BCO2: variants seen among roughly 807,000 people sequenced by gnomAD.
The protein encoded by BCO2 is beta-carotene oxygenase 2.
A neutral mutation model predicts 65.8 loss-of-function variants in BCO2; 56 were observed. The observed-to-expected ratio is 0.85, with a 90% confidence interval of 0.69 to 1.06. The LOEUF is 1.06. Among genes scored for constraint, BCO2 ranks in the 50% least tolerant of loss-of-function variants. The probability of loss-of-function intolerance (pLI) is 0.00; values close to 1 mark genes in which losing one functional copy is unlikely to be tolerated. For missense variants in BCO2, 675 were observed against 698.5 expected (o/e 0.97, Z 0.38); for synonymous variants, 233 against 242.3 (o/e 0.96, Z 0.36).
chr11:112,178,965 A>C (rs1248660838), intron 1 of BCO2, among the ~76,000 whole-genome samples: 1 of 152,234 alleles, frequency 6.6e-6, no homozygotes, highest in African/African-American at 2.4e-5. Flanking sequence ...GTATTGTTCA[A>C]CTATGAGAAA....
chr11:112,188,883 T>C (rs1867286881), intron 2 of BCO2, among the ~76,000 whole-genome samples: 2 of 152,258 alleles, frequency 1.3e-5, no homozygotes, highest in South Asian at 4.1e-4. Flanking sequence ...GATGTTGACT[T>C]GAATAAATGA....
At chr11:112,183,289 A>C (rs993563171) in intron 2 of BCO2, 18 of 659,890 alleles carry the variant, frequency 2.7e-5, no homozygotes, top group Non-Finnish European at 4.1e-5. Flanking sequence ...AAATAACACT[A>C]TAAGGAAATT....
At chr11:112,177,430 G>C (rs1866915149) in intron 1 of BCO2, among the ~76,000 whole-genome samples, 1 of 152,306 alleles carries the variant, frequency 6.6e-6, no homozygotes, top group Non-Finnish European at 1.5e-5. Flanking sequence ...ACCAGACTCT[G>C]AGAAACAATG....
chr11:112,216,805 T>C (rs1000600787), intron 11 of BCO2, among the ~76,000 whole-genome samples: 8 of 152,242 alleles, frequency 5.3e-5, no homozygotes, highest in African/African-American at 1.9e-4. Flanking sequence ...AATAACACTA[T>C]GCACTATCTG....
intron 2 of BCO2, among the ~76,000 whole-genome samples, chr11:112,184,602 A>G (rs561363560): frequency 7.4e-4 from 112 of 152,288 alleles, no homozygotes; most frequent in Middle Eastern, 3.4e-3. Flanking sequence ...ACCAAAAAAT[A>G]TATATAAAGT....
At chr11:112,194,362 C>T (rs1867495724) in intron 4 of BCO2, 2 of 414,126 alleles carry the variant, frequency 4.8e-6, no homozygotes, top group African/African-American at 2.1e-5. Context: ...AAATTTTAGA[C>T]TAGATTTTTA....
intron 1 of BCO2, among the ~76,000 whole-genome samples, chr11:112,177,328 C>T (rs7121554): frequency 0.17 from 25,433 of 152,098 alleles, 2,874 homozygotes; most frequent in Non-Finnish European, 0.25. Context: ...TTGTCCTTCC[C>T]CAGAGATTCT....
Position 112,217,845 on chromosome 11 carries a change from G to C in BCO2, c.1711G>C (p.Gly571Arg). 1.2e-6 allele frequency: 2 copies of C among 1,613,846 alleles called. No individual in the cohort carries two copies. Among genetic ancestry groups the C allele is most frequent in the Middle Eastern group, 1.6e-4 (1 of 6,062 alleles). ...AGAGGTACCTGTGCAGATGCCTTAT[G>C]GGTTCCATGGTACCTTCATACCCAT... The part of the protein sequence containing the change: ...RAEVPVQMPY[G>R]FHGTFIPI The change falls in exon 12 of 12, where the codon GGG (glycine) becomes CGG (arginine). Residue 571 changes from glycine to arginine, a missense_variant. Gly to Arg is a moderately radical substitution (Grantham distance 125, BLOSUM62 -2). Coordinates refer to ENST00000357685, the MANE Select transcript of BCO2 (RefSeq NM_031938.7).
intron 8 of BCO2, among the ~76,000 whole-genome samples, chr11:112,211,319 T>C (rs868074271): frequency 1.4e-4 from 18 of 128,440 alleles, no homozygotes; most frequent in African/African-American, 4.5e-4. Context: ...TTCGATTGTA[T>C]ACACACACAC....
intron 3 of BCO2, 31 bp downstream of exon 3, chr11:112,193,728 A>C: frequency 6.3e-7 from 1 of 1,584,458 alleles, no homozygotes; most frequent in Non-Finnish European, 8.6e-7. Context: ...AACTATTACG[A>C]TATATAACCA....
At chr11:112,194,093 C>G (rs1019440279) in intron 4 of BCO2, 99 bp downstream of exon 4, 2 of 709,444 alleles carry the variant, frequency 2.8e-6, no homozygotes, top group East Asian at 2.7e-5. Flanking sequence ...GAAATTGAAG[C>G]CTTAACTACA....
intron 7 of BCO2, 107 bp downstream of exon 7, chr11:112,200,880 C>CTT: frequency 8.1e-7 from 1 of 1,232,926 alleles, no homozygotes; most frequent in African/African-American, 1.5e-5. Flanking sequence ...GCATAAGACA[C>CTT]TTTTAATCAA....
intron 8 of BCO2, among the ~76,000 whole-genome samples, chr11:112,212,353 A>G (rs987553290): frequency 6.6e-6 from 1 of 152,248 alleles, no homozygotes; most frequent in African/African-American, 2.4e-5. Context: ...GACTCAAAAT[A>G]GGTCAGGCGA....
At chr11:112,196,422 G>A (rs1035637444) in intron 5 of BCO2, among the ~76,000 whole-genome samples, 10 of 152,060 alleles carry the variant, frequency 6.6e-5, no homozygotes, top group African/African-American at 2.4e-4. Flanking sequence ...GCTACCTTTA[G>A]GAAGTAAAAA....
intron 9 of BCO2, 114 bp downstream of exon 9, chr11:112,213,975 G>A (rs971779788): frequency 2.2e-6 from 2 of 899,074 alleles, no homozygotes; most frequent in African/African-American, 1.6e-5. Context: ...ATTCATCCGA[G>A]CAGGTTAAGG....
intron 2 of BCO2, chr11:112,181,833 G>A: frequency 2.1e-6 from 2 of 948,250 alleles, no homozygotes; most frequent in Non-Finnish European, 3.5e-6. Flanking sequence ...TCTTGCACAT[G>A]CAAATCTTTG....
At chr11:112,217,362 C>CTCTTT (rs938073956) in intron 11 of BCO2, among the ~76,000 whole-genome samples, 1 of 152,148 alleles carries the variant, frequency 6.6e-6, no homozygotes, top group Admixed American at 6.5e-5. Context: ...TTCTCTCTCT[C>CTCTTT]TCTTTTCTTT....
At position 112,218,036 on chromosome 11, in the gene BCO2, T is replaced by C. The variant is rs1859737908; in HGVS notation, c.*162T>C. 1.8e-6 allele frequency: 1 copy of C among 563,336 alleles called. No homozygotes were observed. The highest frequency in any genetic ancestry group is 1.9e-5 in the African/African-American group (1 of 53,360). 34.9% of individuals were successfully genotyped at this position (563,336 alleles called of 1,614,324 possible). On this transcript the variant is annotated 3_prime_UTR_variant, in exon 12 of 12. Coordinates refer to ENST00000357685, the MANE Select transcript of BCO2 (RefSeq NM_031938.7). Reference sequence around the variant, plus strand: ...AATACTATGTTCCCTATTTGGGTGATGGGTTCGTTAGAAGTCCAAACCTCA... The same window carrying C: ...AATACTATGTTCCCTATTTGGGTGACGGGTTCGTTAGAAGTCCAAACCTCA...
chr11:112,211,100 T>G (rs1397594696), intron 8 of BCO2, among the ~76,000 whole-genome samples: 2 of 152,118 alleles, frequency 1.3e-5, no homozygotes, highest in Non-Finnish European at 1.5e-5. Context: ...TAAACAATAA[T>G]TCCCTGTTCC....
Sources: gnomAD v4.1 joint callset for allele counts (sites outside exome capture counted in the v4.1 genomes callset) on GRCh38, gnomAD v4.1.1 for gene constraint, MANE v1.5 for transcripts, NCBI Gene and HGNC (gene_info 2026-07-23, HGNC 2026-07-21) for gene names.